Variants in BMPR1B observed in about 807,000 individuals in gnomAD.
The protein encoded by BMPR1B is bone morphogenetic protein receptor type 1B.
Under a neutral mutation model 59.1 loss-of-function variants are expected in BMPR1B, and 12 were observed. The ratio of observed to expected loss-of-function variants is 0.20; its 90% CI spans 0.13 to 0.33. The LOEUF is 0.33. BMPR1B is among the 10% of genes least tolerant of loss of function. BMPR1B has a pLI of 1.00. For synonymous variants in BMPR1B, 237 were observed against 207.3 expected, an observed-to-expected ratio of 1.14 and a Z score of -1.23; for missense variants, 550 against 610.9, an observed-to-expected ratio of 0.90 and a Z score of 1.05.
chr4:94,904,576 A>G (rs1727961108), intron 2 of BMPR1B, among the ~76,000 whole-genome samples: 1 of 152,042 alleles, frequency 6.6e-6, no homozygotes, highest in South Asian at 2.1e-4. Context: ...CCTGTAAGAG[A>G]AATCAAAGAC....
rs1735305893 is a variant in BMPR1B, at chr4:95,154,883, G to A, written c.*210G>A. 6 of 619,944 alleles carry A rather than the reference G, an allele frequency of 9.7e-6. No homozygotes were observed. Among genetic ancestry groups the A allele is most frequent in the Non-Finnish European group, 1.4e-5 (5 of 365,840 alleles). 38.4% of individuals were successfully genotyped at this position (619,944 alleles called of 1,614,324 possible). A position where few individuals can be genotyped will look rare whatever the true frequency, so the allele number is the denominator to read the frequency against. On this transcript the variant is annotated 3_prime_UTR_variant, in exon 13 of 13. Coordinates refer to ENST00000515059, the MANE Select transcript of BMPR1B (RefSeq NM_001203.3). ...GAGATTGATCCATGTCTGTTTGTAG[G>A]ACGGAGAAACCGCTTGGGTAACTTG...
chr4:95,039,352 T>C lies in BMPR1B; in HGVS notation c.-18+43218T>C, dbSNP rs149901464. Among the ~76,000 whole-genome samples the C allele has an allele frequency of 5.5e-3, 840 of 152,202 alleles. 5 individuals are homozygous for C. The highest frequency in any genetic ancestry group is 0.019 in the African/African-American group (801 of 41,540). ...AGTTTAGGTTTCACTAAAGCTAAAG[T>C]CTGGTGTCTCTGTGCTGTGAAATTT... is the stretch of plus-strand genomic sequence containing the variant. On this transcript the variant is annotated intron_variant, in intron 3 of 12. Coordinates refer to ENST00000515059, the MANE Select transcript of BMPR1B (RefSeq NM_001203.3).
chr4:95,073,940 G>A (rs906451286), intron 3 of BMPR1B, among the ~76,000 whole-genome samples: 1 of 152,122 alleles, frequency 6.6e-6, no homozygotes, highest in Non-Finnish European at 1.5e-5. Flanking sequence ...ATAGAAACTT[G>A]CATCTCTCTT....
intron 3 of BMPR1B, among the ~76,000 whole-genome samples, chr4:95,074,941 A>G (rs1728591917): frequency 6.6e-6 from 1 of 152,188 alleles, no homozygotes; most frequent in African/African-American, 2.4e-5. Flanking sequence ...GAAGTAAAGC[A>G]TCCATCTGCA....
intron 2 of BMPR1B, among the ~76,000 whole-genome samples, chr4:94,917,730 G>A (rs1459641856): frequency 6.6e-6 from 1 of 152,180 alleles, no homozygotes; most frequent in Non-Finnish European, 1.5e-5. Context: ...GCTGGAATGA[G>A]TTAAGACTGT....
intron 2 of BMPR1B, among the ~76,000 whole-genome samples, chr4:94,904,950 G>T (rs1054066765): frequency 1.4e-4 from 22 of 152,064 alleles, no homozygotes; most frequent in Admixed American, 1.4e-3. Flanking sequence ...TAAATTTTAA[G>T]GATTCTCTTT....
chr4:94,807,518 T>C (rs191051764), intron 1 of BMPR1B, among the ~76,000 whole-genome samples: 1 of 152,274 alleles, frequency 6.6e-6, no homozygotes, highest in East Asian at 1.9e-4. Flanking sequence ...TAATTTTAAC[T>C]TTAAGTAGTG....
At chr4:95,014,436 C>G (rs1048315037) in intron 3 of BMPR1B, among the ~76,000 whole-genome samples, 2 of 152,158 alleles carry the variant, frequency 1.3e-5, no homozygotes, top group Non-Finnish European at 2.9e-5. Flanking sequence ...AAAGCCTGAC[C>G]TGTTTAATTT....
intron 3 of BMPR1B, among the ~76,000 whole-genome samples, chr4:95,014,885 G>A (rs563846581): frequency 7.2e-5 from 11 of 152,268 alleles, no homozygotes; most frequent in Non-Finnish European, 1.6e-4. Context: ...TTCACAGAAT[G>A]TCATCTAGCA....
At chr4:95,058,363 T>C (rs1443795299) in intron 3 of BMPR1B, among the ~76,000 whole-genome samples, 1 of 152,184 alleles carries the variant, frequency 6.6e-6, no homozygotes, top group African/African-American at 2.4e-5. Context: ...TGGTTCGTAG[T>C]TTTTTACTGC....
chr4:94,968,828 T>G (rs1280888405), intron 2 of BMPR1B, among the ~76,000 whole-genome samples: 1 of 152,162 alleles, frequency 6.6e-6, no homozygotes, highest in African/African-American at 2.4e-5. Flanking sequence ...AATACTCATA[T>G]GTAGGAAAAA....
At chr4:95,031,768 A>C (rs1724877065) in intron 3 of BMPR1B, among the ~76,000 whole-genome samples, 1 of 152,102 alleles carries the variant, frequency 6.6e-6, no homozygotes, top group Non-Finnish European at 1.5e-5. Context: ...AAATACTCTT[A>C]AAAATTGTTT....
At chr4:94,788,912 T>A (rs1302818714) in intron 1 of BMPR1B, among the ~76,000 whole-genome samples, 1 of 152,184 alleles carries the variant, frequency 6.6e-6, no homozygotes, top group Non-Finnish European at 1.5e-5. Context: ...ACTGTGATTG[T>A]CTGCTTGCTT....
At chr4:95,142,176 T>A (rs984433772) in intron 10 of BMPR1B, among the ~76,000 whole-genome samples, 3 of 152,134 alleles carry the variant, frequency 2.0e-5, no homozygotes, top group Admixed American at 6.5e-5. Flanking sequence ...TGCAGAAAAC[T>A]CCCCTTATTG....
Position 95,039,635 on chromosome 4 carries a change from G to C in BMPR1B, c.-18+43501G>C, listed in dbSNP as rs58946258. On this transcript the variant is annotated intron_variant, in intron 3 of 12. Transcript: ENST00000515059. ...AGGGAAGATACGGAAATATGTGTGT[G>C]AGAGAGATGAAAAGGTTTAGCACAA... 1.2e-3 allele frequency among the ~76,000 whole-genome samples: 190 copies of C among 152,304 alleles called. 1 individual carries two copies. Among genetic ancestry groups the C allele is most frequent in the African/African-American group, 4.5e-3 (185 of 41,560 alleles).
rs141741996 is a variant in BMPR1B, at chr4:94,815,881, G to T, written c.-183+57813G>T. On this transcript the variant is annotated intron_variant, in intron 1 of 12. Coordinates refer to ENST00000515059, the MANE Select transcript of BMPR1B (RefSeq NM_001203.3). ...CTTTTGGCAATTAGTGTGATCTGTT[G>T]TATCAGTTTTGATGCTTGTTTACAT... Among the ~76,000 whole-genome samples, 467 of 152,232 alleles carry T rather than the reference G, an allele frequency of 3.1e-3. 2 individuals carry two copies. The highest frequency in any genetic ancestry group is 0.011 in the African/African-American group (440 of 41,548).
chr4:94,779,559 G>A (rs752128248), intron 1 of BMPR1B, among the ~76,000 whole-genome samples: 38 of 152,050 alleles, frequency 2.5e-4, no homozygotes, highest in Non-Finnish European at 8.8e-5. Context: ...GGACGGGTGC[G>A]GTGGCTCATG....
chr4:95,095,373 A>T (rs1730291920), intron 3 of BMPR1B, among the ~76,000 whole-genome samples: 1 of 152,122 alleles, frequency 6.6e-6, no homozygotes, highest in Non-Finnish European at 1.5e-5. Flanking sequence ...ATGGGCATTG[A>T]TTTGCATTAT....
intron 3 of BMPR1B, among the ~76,000 whole-genome samples, chr4:95,052,378 T>C (rs568322707): frequency 1.1e-3 from 167 of 152,348 alleles, no homozygotes; most frequent in Non-Finnish European, 1.9e-3. Flanking sequence ...ATTTTTGAAT[T>C]AAACAGTAAT....
Sources: gnomAD v4.1 joint callset for allele counts (sites outside exome capture counted in the v4.1 genomes callset) on GRCh38, gnomAD v4.1.1 for gene constraint, MANE v1.5 for transcripts, NCBI Gene and HGNC (gene_info 2026-07-23, HGNC 2026-07-21) for gene names.